CNTNAP2: variants seen among roughly 807,000 people sequenced by gnomAD.
CNTNAP2 encodes contactin associated protein 2.
Under a neutral mutation model 155.2 loss-of-function variants are expected in CNTNAP2, and 98 were observed. The observed-to-expected ratio is 0.63, with a 90% confidence interval of 0.54 to 0.75. The LOEUF is 0.75. CNTNAP2 is among the 30% of genes least tolerant of loss of function. The pLI is 0.00. For synonymous variants in CNTNAP2, 651 were observed against 631.2 expected (o/e 1.03, Z -0.47); for missense variants, 1,727 against 1,688.1 (o/e 1.02, Z -0.40).
At chr7:146,414,928 G>A (rs141946946) in intron 1 of CNTNAP2, among the ~76,000 whole-genome samples, 12 of 152,244 alleles carry the variant, frequency 7.9e-5, no homozygotes, top group Non-Finnish European at 1.3e-4. Context: ...TCTCTTTTGG[G>A]GGGAATAGGG....
At chr7:146,661,359 C>T (rs1329390617) in intron 1 of CNTNAP2, among the ~76,000 whole-genome samples, 1 of 151,912 alleles carries the variant, frequency 6.6e-6, no homozygotes, top group Admixed American at 6.6e-5. Flanking sequence ...TACGGTTCTA[C>T]GAATTTTGGC....
At chr7:147,607,999 A>T (rs1801105222) in intron 12 of CNTNAP2, among the ~76,000 whole-genome samples, 1 of 152,164 alleles carries the variant, frequency 6.6e-6, no homozygotes, top group Non-Finnish European at 1.5e-5. Context: ...AGGTTGGACC[A>T]TAATTACTTA....
chr7:147,788,929 G>C (rs1176107372), intron 13 of CNTNAP2, among the ~76,000 whole-genome samples: 1 of 111,842 alleles, frequency 8.9e-6, no homozygotes, highest in African/African-American at 3.8e-5. Flanking sequence ...TTTTGAGACA[G>C]TGTCTTGCTC....
At chr7:147,984,490 C>T (rs1170220684) in intron 15 of CNTNAP2, among the ~76,000 whole-genome samples, 3 of 151,928 alleles carry the variant, frequency 2.0e-5, no homozygotes, top group Non-Finnish European at 2.9e-5. Flanking sequence ...TACCTAGTTC[C>T]AAAGTCCTCC....
intron 16 of CNTNAP2, among the ~76,000 whole-genome samples, chr7:148,139,324 AAAAG>A (rs1296753433): frequency 1.3e-5 from 2 of 152,210 alleles, no homozygotes; most frequent in Non-Finnish European, 2.9e-5. Context: ...AAACTATACT[AAAAG>A]AAAAATAGGT....
intron 1 of CNTNAP2, among the ~76,000 whole-genome samples, chr7:146,555,532 A>G (rs1798185861): frequency 1.3e-5 from 2 of 149,108 alleles, no homozygotes; most frequent in Admixed American, 1.3e-4. Flanking sequence ...CTATCTATCT[A>G]TCTATCTATG....
intron 1 of CNTNAP2, among the ~76,000 whole-genome samples, chr7:146,344,705 C>G (rs996127795): frequency 4.6e-5 from 7 of 152,150 alleles, no homozygotes; most frequent in African/African-American, 1.7e-4. Context: ...TCTAGAACTC[C>G]TGACCTAAGG....
intron 3 of CNTNAP2, among the ~76,000 whole-genome samples, chr7:146,997,284 T>C (rs1007039645): frequency 2.0e-5 from 3 of 152,154 alleles, no homozygotes; most frequent in Admixed American, 6.6e-5. Context: ...GATGAATGCA[T>C]GTTAAATTTT....
intron 17 of CNTNAP2, among the ~76,000 whole-genome samples, chr7:148,152,207 C>G (rs1805309525): frequency 6.6e-6 from 1 of 151,782 alleles, no homozygotes; most frequent in African/African-American, 2.4e-5. Context: ...CAAGGACAGC[C>G]AAGCAGAAGG....
At chr7:147,542,318 CAAA>C (rs201153799) in intron 11 of CNTNAP2, among the ~76,000 whole-genome samples, 1 of 148,626 alleles carries the variant, frequency 6.7e-6, no homozygotes, top group African/African-American at 2.5e-5. Context: ...AAAAAAGCTC[CAAA>C]AAAAAAGCAA....
chr7:147,623,098 A>T (rs947010888), intron 12 of CNTNAP2, among the ~76,000 whole-genome samples: 24 of 152,208 alleles, frequency 1.6e-4, no homozygotes, highest in Non-Finnish European at 2.8e-4. Context: ...ATGAATATCC[A>T]GTAACAAGAT....
At chr7:146,484,690 A>G (rs1797028613) in intron 1 of CNTNAP2, among the ~76,000 whole-genome samples, 1 of 152,144 alleles carries the variant, frequency 6.6e-6, no homozygotes, top group Non-Finnish European at 1.5e-5. Flanking sequence ...TTGAAAGCAC[A>G]CTTGTTTTGA....
intron 3 of CNTNAP2, among the ~76,000 whole-genome samples, chr7:147,022,188 C>T (rs191941501): frequency 2.8e-4 from 43 of 152,082 alleles, no homozygotes; most frequent in African/African-American, 1.0e-3. Context: ...ATAAAGCTTC[C>T]CATTTTATTT....
chr7:147,160,064 A>G (rs950542829), intron 8 of CNTNAP2, among the ~76,000 whole-genome samples: 4 of 152,086 alleles, frequency 2.6e-5, no homozygotes, highest in African/African-American at 9.7e-5. Context: ...GATAAGTTTA[A>G]TATTATTTTT....
chr7:146,508,058 G>A (rs571713555), intron 1 of CNTNAP2, among the ~76,000 whole-genome samples: 9 of 152,222 alleles, frequency 5.9e-5, no homozygotes, highest in African/African-American at 1.7e-4. Context: ...TTTAGTTCTC[G>A]AACATCCACC....
At chr7:146,485,850 A>C (rs1797047189) in intron 1 of CNTNAP2, among the ~76,000 whole-genome samples, 1 of 152,074 alleles carries the variant, frequency 6.6e-6, no homozygotes, top group African/African-American at 2.4e-5. Flanking sequence ...ACGTACCCCA[A>C]ACTTAAAATA....
At chr7:148,384,488 AC>A (rs1414076568) in intron 22 of CNTNAP2, among the ~76,000 whole-genome samples, 1 of 152,144 alleles carries the variant, frequency 6.6e-6, no homozygotes, top group East Asian at 1.9e-4. Flanking sequence ...TATACACATA[AC>A]CCTGGGTGGG....
At chr7:147,578,248 AG>A (rs1800433420) in intron 12 of CNTNAP2, among the ~76,000 whole-genome samples, 1 of 152,150 alleles carries the variant, frequency 6.6e-6, no homozygotes, top group South Asian at 2.1e-4. Context: ...ATGATTAGAA[AG>A]AAGTTGGCTT....
intron 14 of CNTNAP2, among the ~76,000 whole-genome samples, chr7:147,939,817 C>A (rs965845006): frequency 3.3e-5 from 5 of 152,090 alleles, no homozygotes; most frequent in African/African-American, 9.7e-5. Flanking sequence ...CACACACCCC[C>A]CAGCAGATTT....
Sources: gnomAD v4.1 joint callset for allele counts (sites outside exome capture counted in the v4.1 genomes callset) on GRCh38, gnomAD v4.1.1 for gene constraint, MANE v1.5 for transcripts, NCBI Gene and HGNC (gene_info 2026-07-23, HGNC 2026-07-21) for gene names.